ZDHHC13: variants seen among roughly 807,000 people sequenced by gnomAD.
The protein encoded by ZDHHC13 is zDHHC palmitoyltransferase 13.
A neutral mutation model predicts 86.0 loss-of-function variants in ZDHHC13; 85 were observed. That is an observed-to-expected ratio of 0.99 (90% CI 0.83 to 1.18). The LOEUF (loss-of-function observed/expected upper bound fraction) is 1.18. ZDHHC13 is among the 50% of genes most tolerant of loss of function. ZDHHC13 has a pLI of 0.00. For synonymous variants in ZDHHC13, 263 were observed against 246.4 expected (o/e 1.07, Z -0.63); for missense variants, 711 against 730.2 (o/e 0.97, Z 0.30).
chr11:19,160,667 G>A (rs568100425), intron 10 of ZDHHC13, among the ~76,000 whole-genome samples: 1 of 151,994 alleles, frequency 6.6e-6, no homozygotes, highest in South Asian at 2.1e-4. Context: ...TAGAATCAAA[G>A]TCATAAATGG....
chr11:19,132,409 A>T (rs147543764), intron 1 of ZDHHC13, among the ~76,000 whole-genome samples: 5 of 152,318 alleles, frequency 3.3e-5, no homozygotes, highest in Non-Finnish European at 7.3e-5. Flanking sequence ...GGCTGATCAG[A>T]GTTTGAACAT....
rs1416315755 is a variant in ZDHHC13, at chr11:19,136,034, A to G, written c.28-6944A>G. ...AGAGCGCCTCTCCTCCTCCAAAGGA[A>G]CGCAGTTCCTCACCAGCAACGGAAC... is the stretch of plus-strand genomic sequence containing the variant. On this transcript the variant is annotated intron_variant, in intron 1 of 16. Transcript: ENST00000446113. 2.6e-5 allele frequency among the ~76,000 whole-genome samples: 4 copies of G among 152,258 alleles called. No homozygotes were observed. In the East Asian group the frequency reaches 7.7e-4, roughly 29 times the overall value.
At chr11:19,144,432 A>AGAGTGT (rs377410572) in intron 2 of ZDHHC13, among the ~76,000 whole-genome samples, 13 of 143,074 alleles carry the variant, frequency 9.1e-5, no homozygotes, top group African/African-American at 3.3e-4. Context: ...AGAGCTATGG[A>AGAGTGT]GTGTGTGTGT....
intron 4 of ZDHHC13, 45 bp from the exon 5 acceptor site, chr11:19,149,142 C>G (rs1400953700): frequency 7.1e-7 from 1 of 1,415,922 alleles, no homozygotes; most frequent in Non-Finnish European, 9.4e-7. Context: ...TGACTTTTTG[C>G]TTTTTCTGCA....
In ZDHHC13 at chr11:19,170,521, T is replaced by C. The variant is rs779937778; in HGVS notation, c.1585T>C (p.Phe529Leu). Residue 529 changes from phenylalanine (F) to leucine (L), a missense_variant, in exon 15 of 17, where the codon TTC becomes CTC. Coordinates refer to ENST00000446113, the MANE Select transcript of ZDHHC13 (RefSeq NM_019028.3). ...TTTATATATCTTGATGCTAGCAACT[T>C]TCCATTTCTCATGGTCAACATTTTT... ...WVLYILMLATFHFSWSTFLLL... is the reference protein window; with the variant it reads ...WVLYILMLATLHFSWSTFLLL... The C allele has an allele frequency of 6.5e-7, 1 of 1,534,170 alleles. No homozygotes were observed. Among genetic ancestry groups the C allele is most frequent in the South Asian group, 1.3e-5 (1 of 78,982 alleles).
intron 10 of ZDHHC13, 103 bp from the exon 11 acceptor site, chr11:19,163,200 A>C (rs781722194): frequency 7.1e-5 from 90 of 1,265,358 alleles, no homozygotes; most frequent in Non-Finnish European, 9.4e-5. Context: ...ACATGTGTGC[A>C]TAAGGAAGGT....
rs761728676 is a variant in ZDHHC13, at chr11:19,163,391, AG to A, written c.1199del (p.Gly400AlafsTer12). ...TCTATAAGACTTGGGCAACTGATCC[AG>A]GCTTCACTAAGGCTTCTGAAGAAGA... is the stretch of plus-strand genomic sequence containing the variant. ...FFYKTWATDPGFTKASEEEKK... is the reference protein window; with the variant it reads ...FFYKTWATDPXFTKASEEEKK... On this transcript the variant is annotated frameshift_variant, in exon 11 of 17. Coordinates refer to ENST00000446113, the MANE Select transcript of ZDHHC13 (RefSeq NM_019028.3). LOFTEE classifies it high-confidence loss of function. The A allele has an allele frequency of 1.9e-6, 3 of 1,607,430 alleles. No individual in the cohort carries two copies. The highest frequency in any genetic ancestry group is 2.5e-6 in the Non-Finnish European group (3 of 1,177,322).
At chr11:19,168,104 C>T (rs929802213) in intron 14 of ZDHHC13, 2 of 152,166 alleles carry the variant, frequency 1.3e-5, no homozygotes. Flanking sequence ...GGCCAGCATT[C>T]GATTTTTAAA....
chr11:19,168,242 A>G (rs1850127510), intron 14 of ZDHHC13: 1 of 152,242 alleles, frequency 6.6e-6, no homozygotes, highest in Admixed American at 6.5e-5. Context: ...GTAAGTTGGC[A>G]CATAGACCAA....
chr11:19,169,001 G>A, intron 14 of ZDHHC13: 2 of 985,444 alleles, frequency 2.0e-6, no homozygotes, highest in Non-Finnish European at 2.4e-6. Context: ...CTGGCCAGCT[G>A]ATAAGAATGT....
Position 19,164,365 on chromosome 11 carries a change from T to C in ZDHHC13, c.1296+2T>C. The stretch of plus-strand genomic sequence containing the variant: ...AGAACATTTTGTACATCATGTCTTG[T>C]GAGTTTTTTCATATAATTTTTTTCC... On this transcript the variant is annotated splice_donor_variant, in intron 12 of 16. Coordinates refer to ENST00000446113, the MANE Select transcript of ZDHHC13 (RefSeq NM_019028.3). LOFTEE classifies it high-confidence loss of function. The C allele has an allele frequency of 1.2e-6, 2 of 1,612,566 alleles. No homozygotes were observed. Among genetic ancestry groups the C allele is most frequent in the African/African-American group, 2.7e-5 (2 of 75,004 alleles).
At chr11:19,170,375 C>CTTTTTTTTTTGT in intron 14 of ZDHHC13, 36 bp from the exon 15 acceptor site, 1 of 1,234,828 alleles carries the variant, frequency 8.1e-7, no homozygotes, top group East Asian at 4.0e-5. Context: ...AGTTTATTGC[C>CTTTTTTTTTTGT]TTTTTTTTTT....
chr11:19,175,900 G>A lies in ZDHHC13; in HGVS notation c.1809G>A (p.Trp603Ter), dbSNP rs1208267506. ...FGLVKPCVVDWTSQYTMVFHP... is the reference protein window; with the variant it reads ...FGLVKPCVVD ...TGGTGAAGCCCTGTGTGGTAGATTGGACATCACAGTACACCATGGTCTTTC... is the reference window on the plus strand; with the variant it reads ...TGGTGAAGCCCTGTGTGGTAGATTGAACATCACAGTACACCATGGTCTTTC... The change falls in exon 17 of 17, where the codon TGG (tryptophan) becomes TGA (stop). Residue 603 changes from tryptophan to a stop codon, truncating the protein, a stop_gained. Transcript: ENST00000446113. LOFTEE classifies it high-confidence loss of function. 2 of 1,613,584 alleles carry A rather than the reference G, an allele frequency of 1.2e-6. No homozygotes were observed. Among genetic ancestry groups the A allele is most frequent in the Admixed American group, 3.3e-5 (2 of 59,974 alleles).
chr11:19,174,005 C>T (rs1170018317), intron 16 of ZDHHC13, among the ~76,000 whole-genome samples: 1 of 152,206 alleles, frequency 6.6e-6, no homozygotes, highest in East Asian at 1.9e-4. Context: ...TTGTTTTCCT[C>T]CCCTAAGTTA....
At chr11:19,121,805 T>C (rs1007925736) in intron 1 of ZDHHC13, among the ~76,000 whole-genome samples, 1 of 152,186 alleles carries the variant, frequency 6.6e-6, no homozygotes, top group Non-Finnish European at 1.5e-5. Context: ...AGGAGCTTTA[T>C]GGGTGTATTG....
At chr11:19,123,616 C>CA (rs1848803860) in intron 1 of ZDHHC13, among the ~76,000 whole-genome samples, 1 of 152,110 alleles carries the variant, frequency 6.6e-6, no homozygotes, top group Admixed American at 6.5e-5. Flanking sequence ...CACTGCACTC[C>CA]AGCCTGGGTG....
intron 15 of ZDHHC13, 102 bp downstream of exon 15, chr11:19,170,670 C>G: frequency 8.8e-7 from 1 of 1,130,496 alleles, no homozygotes; most frequent in South Asian, 1.6e-5. Context: ...CTGTTTTTAC[C>G]TCTGTCACTG....
At chr11:19,152,102 C>T (rs1849623412) in intron 6 of ZDHHC13, 56 bp from the exon 7 acceptor site, 2 of 1,559,738 alleles carry the variant, frequency 1.3e-6, no homozygotes, top group Non-Finnish European at 1.7e-6. Context: ...TTTGCATTTA[C>T]TCCTTAAGTC....
At chr11:19,172,955 T>C (rs1242687927) in intron 16 of ZDHHC13, 135 bp downstream of exon 16, 1 of 696,440 alleles carries the variant, frequency 1.4e-6, no homozygotes, top group Non-Finnish European at 2.2e-6. Context: ...CCCCTTTTCT[T>C]AGAGAAGCTT....
Sources: gnomAD v4.1 joint callset for allele counts (sites outside exome capture counted in the v4.1 genomes callset) on GRCh38, gnomAD v4.1.1 for gene constraint, MANE v1.5 for transcripts, NCBI Gene and HGNC (gene_info 2026-07-23, HGNC 2026-07-21) for gene names.